The following MYO16 variants were observed in gnomAD, a reference collection of about 807,000 sequenced individuals.
MYO16 encodes myosin XVI.
In MYO16, 94 loss-of-function variants were observed where a neutral mutation model predicts 205.3. The ratio of observed to expected loss-of-function variants is 0.46; its 90% CI spans 0.39 to 0.54. The LOEUF is 0.54. MYO16 is among the 20% of genes least tolerant of loss of function. The probability of loss-of-function intolerance (pLI) is 0.00; values close to 1 mark genes in which losing one functional copy is unlikely to be tolerated. For synonymous variants in MYO16, 988 were observed against 954.0 expected, an observed-to-expected ratio of 1.04 and a Z score of -0.66; for missense variants, 2,315 against 2,387.5, an observed-to-expected ratio of 0.97 and a Z score of 0.63.
chr13:108,915,997 A>G (rs9559443), intron 16 of MYO16, among the ~76,000 whole-genome samples: 32,407 of 152,076 alleles, frequency 0.21, 4,106 homozygotes, highest in East Asian at 0.67. Context: ...TGAACAGGGA[A>G]CCTAATCTGA....
intron 7 of MYO16, among the ~76,000 whole-genome samples, chr13:108,808,198 A>G (rs1386453948): frequency 6.6e-6 from 1 of 152,148 alleles, no homozygotes; most frequent in East Asian, 1.9e-4. Flanking sequence ...ATAGACACAA[A>G]AAGTATCCCT....
At chr13:108,793,050 G>A (rs2039703) in intron 5 of MYO16, among the ~76,000 whole-genome samples, 51,918 of 152,002 alleles carry the variant, frequency 0.34, 10,118 homozygotes, top group East Asian at 0.63. Flanking sequence ...TTGGGAAGCC[G>A]AGGTGGGAGG....
chr13:108,971,156 T>C (rs1883991772), intron 20 of MYO16, among the ~76,000 whole-genome samples: 1 of 152,122 alleles, frequency 6.6e-6, no homozygotes, highest in African/African-American at 2.4e-5. Context: ...TTAGCAAATG[T>C]TAAATTCAAT....
chr13:108,608,460 C>T (rs554530850), intron 1 of MYO16, among the ~76,000 whole-genome samples: 9 of 152,296 alleles, frequency 5.9e-5, no homozygotes, highest in African/African-American at 1.9e-4. Flanking sequence ...CCCTTCCTTG[C>T]ACCCCACAGC....
intron 4 of MYO16, among the ~76,000 whole-genome samples, chr13:108,741,163 C>T (rs1884896977): frequency 6.6e-6 from 1 of 152,134 alleles, no homozygotes; most frequent in African/African-American, 2.4e-5. Flanking sequence ...TCCGACACGC[C>T]CCAGTGAGAT....
chr13:108,928,140 G>A (rs1882092541), intron 16 of MYO16, among the ~76,000 whole-genome samples: 1 of 152,184 alleles, frequency 6.6e-6, no homozygotes, highest in Non-Finnish European at 1.5e-5. Flanking sequence ...AGGAGAGAGG[G>A]ATGGGAGCAG....
chr13:108,801,748 C>G (rs1886974883), intron 6 of MYO16, among the ~76,000 whole-genome samples: 1 of 152,116 alleles, frequency 6.6e-6, no homozygotes, highest in African/African-American at 2.4e-5. Context: ...ATCTTTTAAA[C>G]TGGAATAATA....
intron 28 of MYO16, among the ~76,000 whole-genome samples, chr13:109,108,223 G>C (rs1889179559): frequency 6.6e-6 from 1 of 152,184 alleles, no homozygotes; most frequent in African/African-American, 2.4e-5. Flanking sequence ...ATCTCTTACA[G>C]GGTCTGGCAC....
chr13:108,668,904 G>A (rs753822519), intron 2 of MYO16, among the ~76,000 whole-genome samples: 2 of 152,056 alleles, frequency 1.3e-5, no homozygotes, highest in Non-Finnish European at 2.9e-5. Flanking sequence ...ACTACAGGGA[G>A]TGAGAATTCC....
chr13:109,205,600 C>T (rs1373144035), intron 34 of MYO16, among the ~76,000 whole-genome samples: 1 of 151,620 alleles, frequency 6.6e-6, no homozygotes, highest in Non-Finnish European at 1.5e-5. Context: ...TTTTTTAAAC[C>T]AGTATACTTC....
chr13:109,012,432 T>C (rs184631160), intron 22 of MYO16, among the ~76,000 whole-genome samples: 2 of 152,266 alleles, frequency 1.3e-5, no homozygotes, highest in Non-Finnish European at 2.9e-5. Flanking sequence ...ATGAGAGGGA[T>C]CTAGCTGCAC....
intron 27 of MYO16, among the ~76,000 whole-genome samples, chr13:109,070,720 T>A (rs1887897575): frequency 6.6e-6 from 1 of 152,238 alleles, no homozygotes; most frequent in Non-Finnish European, 1.5e-5. Context: ...ACTTCTGTTT[T>A]ATCTTTTAAA....
chr13:109,163,099 T>A (rs183606950), intron 32 of MYO16, among the ~76,000 whole-genome samples: 187 of 152,304 alleles, frequency 1.2e-3, no homozygotes, highest in Non-Finnish European at 2.0e-3. Context: ...AAAATGCCGA[T>A]AGTTTTGCCT....
At chr13:108,829,780 A>C (rs759279019) in intron 9 of MYO16, among the ~76,000 whole-genome samples, 3 of 152,160 alleles carry the variant, frequency 2.0e-5, no homozygotes, top group Non-Finnish European at 4.4e-5. Flanking sequence ...TATATAAGGC[A>C]GTGTGCCCCT....
At chr13:108,876,769 C>A (rs530778719) in intron 12 of MYO16, among the ~76,000 whole-genome samples, 1 of 151,314 alleles carries the variant, frequency 6.6e-6, no homozygotes, top group Non-Finnish European at 1.5e-5. Context: ...CAGGTTCAAG[C>A]GATTCTCCTG....
At chr13:108,824,597 C>A (rs991923744) in intron 9 of MYO16, among the ~76,000 whole-genome samples, 1 of 151,948 alleles carries the variant, frequency 6.6e-6, no homozygotes, top group African/African-American at 2.4e-5. Context: ...GAATAGAAGA[C>A]TTAAATAGCA....
intron 1 of MYO16, among the ~76,000 whole-genome samples, chr13:108,637,308 C>T (rs1316319000): frequency 6.6e-6 from 1 of 152,148 alleles, no homozygotes; most frequent in Non-Finnish European, 1.5e-5. Context: ...TACTTGGCAT[C>T]TGTTGTTCTA....
intron 16 of MYO16, among the ~76,000 whole-genome samples, chr13:108,941,908 C>T (rs1882745434): frequency 6.6e-6 from 1 of 152,148 alleles, no homozygotes. Flanking sequence ...TTGGTTACTA[C>T]AGACACATTA....
intron 15 of MYO16, among the ~76,000 whole-genome samples, chr13:108,909,367 G>A (rs562345018): frequency 5.5e-4 from 83 of 152,088 alleles, no homozygotes; most frequent in African/African-American, 1.9e-3. Flanking sequence ...GAGAATAAAA[G>A]AAGATGACTA....
Sources: gnomAD v4.1 joint callset for allele counts (sites outside exome capture counted in the v4.1 genomes callset) on GRCh38, gnomAD v4.1.1 for gene constraint, MANE v1.5 for transcripts, NCBI Gene and HGNC (gene_info 2026-07-23, HGNC 2026-07-21) for gene names.